ZKSCAN7: variants seen among roughly 807,000 people sequenced by gnomAD.
ZKSCAN7 encodes the protein zinc finger protein with KRAB and SCAN domains 7.
A neutral mutation model predicts 65.3 loss-of-function variants in ZKSCAN7; 38 were observed. The observed-to-expected ratio is 0.58, with a 90% confidence interval of 0.45 to 0.76. The LOEUF (loss-of-function observed/expected upper bound fraction) is 0.76. ZKSCAN7 is among the 30% of genes least tolerant of loss of function. ZKSCAN7 has a pLI of 0.00. For missense variants in ZKSCAN7, 815 were observed against 913.3 expected, an observed-to-expected ratio of 0.89 and a Z score of 1.39; for synonymous variants, 321 against 321.0, an observed-to-expected ratio of 1.00 and a Z score of 0.00.
At chr3:44,583,049 C>G (rs1002239142) in exon 6 of ZKSCAN7, 1 of 415,008 alleles carries the variant, frequency 2.4e-6, no homozygotes, top group Non-Finnish European at 4.9e-6. Flanking sequence ...GCCTCAGACT[C>G]CTGAGTAGCT....
Position 44,565,562 on chromosome 3 carries a change from C to T in ZKSCAN7, c.499C>T (p.Pro167Ser), listed in dbSNP as rs148260431. The T allele has an allele frequency of 3.7e-6, 6 of 1,613,314 alleles. No individual in the cohort carries two copies. In the African/African-American group the frequency reaches 4.0e-5, roughly 11 times the overall value. Residue 167 changes from proline (P) to serine (S), a missense_variant, in exon 3 of 6, where the codon CCT (proline) becomes TCT (serine). Physicochemically the swap from Pro to Ser is moderately conservative, Grantham distance 74 (BLOSUM62 -1). Transcript: ENST00000426540. The part of the protein sequence containing the change: ...TALGTTKESP[P>S]TSPLSGGSAP... ...TCTGGGTACAACAAAGGAATCTCCTCCTACCTCACCCCTCAGTGGGGGCTC... is the reference window on the plus strand; with the variant it reads ...TCTGGGTACAACAAAGGAATCTCCTTCTACCTCACCCCTCAGTGGGGGCTC...
Position 44,560,960 on chromosome 3 carries a change from C to T in ZKSCAN7, c.423+3490C>T, listed in dbSNP as rs2125711609. Among the ~76,000 whole-genome samples, 2 of 152,296 alleles carry T rather than the reference C, an allele frequency of 1.3e-5. 1 individual carries two copies. Among genetic ancestry groups the T allele is most frequent in the South Asian group, 4.1e-4 (2 of 4,826 alleles). On this transcript the variant is annotated intron_variant, in intron 2 of 5. Transcript: ENST00000426540. ...AGGTGTGGTTGTTTCTGATTACCATCAAGTGGGAGGACCAGGATTTTCCAT... is the reference window on the plus strand; with the variant it reads ...AGGTGTGGTTGTTTCTGATTACCATTAAGTGGGAGGACCAGGATTTTCCAT...
chr3:44,571,962 C>G lies in ZKSCAN7; in HGVS notation c.*587C>G. ...ACTTTTTTATTTTTCTTCAACTTCT[C>G]TTGATTTGACCTCAGTGCTTTGAAT... On this transcript the variant is annotated 3_prime_UTR_variant, in exon 6 of 6. Transcript: ENST00000426540. The G allele has an allele frequency of 1.0e-6, 1 of 986,748 alleles. No homozygotes were observed. The highest frequency in any genetic ancestry group is 1.2e-6 in the Non-Finnish European group (1 of 830,778). The allele number at this position is 986,748 out of a possible 1,614,324, so 61.1% of individuals were successfully genotyped here. A position where few individuals can be genotyped will look rare whatever the true frequency, so the allele number is the denominator to read the frequency against.
At chr3:44,580,068 A>G (rs1700032627) in intron 5 of ZKSCAN7, 3 of 1,596,880 alleles carry the variant, frequency 1.9e-6, no homozygotes, top group Non-Finnish European at 2.6e-6. Context: ...CGAGGGCCCC[A>G]CTGCATTGGT....
At chr3:44,556,893 T>C in intron 1 of ZKSCAN7, 37 bp from the exon 2 acceptor site, 1 of 1,010,778 alleles carries the variant, frequency 9.9e-7, no homozygotes, top group East Asian at 2.4e-5. Flanking sequence ...TGGGGCTGAA[T>C]ACTCCAAGAA....
chr3:44,577,175 C>A (rs1241709765), intron 5 of ZKSCAN7, among the ~76,000 whole-genome samples: 2 of 152,020 alleles, frequency 1.3e-5, no homozygotes, highest in African/African-American at 4.8e-5. Context: ...ACTATGTTGC[C>A]TAGAGTAGAC....
chr3:44,558,867 C>A (rs1053490713), intron 2 of ZKSCAN7, among the ~76,000 whole-genome samples: 7 of 149,502 alleles, frequency 4.7e-5, no homozygotes, highest in African/African-American at 1.7e-4. Flanking sequence ...GCAAGCTCAG[C>A]CTCCTGGCTC....
intron 2 of ZKSCAN7, among the ~76,000 whole-genome samples, chr3:44,564,756 T>C (rs28550226): frequency 6.6e-6 from 1 of 152,214 alleles, no homozygotes; most frequent in African/African-American, 2.4e-5. Flanking sequence ...TTTACACTTA[T>C]CTTTTTTTAC....
intron 5 of ZKSCAN7, chr3:44,579,986 T>A: frequency 6.7e-7 from 1 of 1,500,356 alleles, no homozygotes; most frequent in Non-Finnish European, 9.2e-7. Flanking sequence ...GGGGGGGGGC[T>A]TCATTGGTGA....
intron 5 of ZKSCAN7, chr3:44,581,107 C>T (rs951118732): frequency 1.4e-5 from 14 of 1,000,698 alleles, no homozygotes; most frequent in Middle Eastern, 5.1e-4. Context: ...CGGCCGCCGC[C>T]GCATCCCTCG....
In ZKSCAN7 at chr3:44,556,988, A is replaced by G; in HGVS notation, c.-60A>G. On this transcript the variant is annotated 5_prime_UTR_variant, in exon 2 of 6. Transcript: ENST00000426540. ...AAAAACAGTTCCTGAGACCTGAACT[A>G]TTGACCATCATTTTAATCGGACCAA... is the stretch of plus-strand genomic sequence containing the variant. The G allele has an allele frequency of 6.2e-7, 1 of 1,608,230 alleles. No individual in the cohort carries two copies. Among genetic ancestry groups the G allele is most frequent in the Non-Finnish European group, 8.5e-7 (1 of 1,176,950 alleles).
intron 5 of ZKSCAN7, chr3:44,580,036 C>A (rs948039204): frequency 6.3e-7 from 1 of 1,580,516 alleles, no homozygotes; most frequent in Non-Finnish European, 8.7e-7. Context: ...TCGCTGCGGC[C>A]CTGGCGTGTG....
intron 5 of ZKSCAN7, chr3:44,579,943 C>T (rs570842206): frequency 1.1e-5 from 17 of 1,504,548 alleles, no homozygotes; most frequent in Middle Eastern, 1.7e-4. Flanking sequence ...GGTGTGGAGA[C>T]GGGGGAAGCC....
intron 5 of ZKSCAN7, among the ~76,000 whole-genome samples, chr3:44,581,283 C>A (rs1700081215): frequency 6.7e-6 from 1 of 149,706 alleles, no homozygotes; most frequent in African/African-American, 2.4e-5. Flanking sequence ...CTCGGGCCCG[C>A]TGCTTCCCGC....
rs146954712 is a variant in ZKSCAN7, at chr3:44,570,050, G to A, written c.940G>A (p.Val314Ile). 92 of 1,613,886 alleles carry A rather than the reference G, an allele frequency of 5.7e-5. No individual in the cohort carries two copies. Among genetic ancestry groups the A allele is most frequent in the Non-Finnish European group, 7.3e-5 (86 of 1,180,000 alleles). Residue 314 changes from valine (V) to isoleucine (I), a missense_variant, in exon 6 of 6, where the codon GTT becomes ATT. Around this residue, in one of 3 missense-constraint regions of ZKSCAN7, gnomAD observed 578 missense variants for 629.5 expected, o/e 0.92. Coordinates refer to ENST00000426540, the MANE Select transcript of ZKSCAN7 (RefSeq NM_001288590.2). ...VVPGAAETGD[V>I]CEDTFKELEG... ...TCCTGGGGCAGCAGAGACTGGAGAT[G>A]TTTGTGAAGATACTTTCAAGGAGTT...
At chr3:44,558,092 T>A (rs1699353081) in intron 2 of ZKSCAN7, among the ~76,000 whole-genome samples, 1 of 152,208 alleles carries the variant, frequency 6.6e-6, no homozygotes, top group African/African-American at 2.4e-5. Context: ...ATCTGGTTTC[T>A]AGGACCATAG....
rs891564909 is a variant in ZKSCAN7 at position 44,580,147 on chromosome 3, TG to T, written c.812-2820del. 6.0e-6 allele frequency: 9 copies of T among 1,498,120 alleles called. No homozygotes were observed. In the African/African-American group the frequency reaches 7.0e-5, roughly 12 times the overall value. The allele number at this position is 1,498,120 out of a possible 1,614,324, so 92.8% of individuals were successfully genotyped here. A position where few individuals can be genotyped will look rare whatever the true frequency, so the allele number is the denominator to read the frequency against. On this transcript the variant is annotated intron_variant, in intron 5 of 5. Coordinates refer to the ZKSCAN7 transcript ENST00000341840. ...TCAATCACCTGGGACCTCCTGTGGT[TG>T]GGGGTGCTGGGGCTGGGAGGGGAGA...
chr3:44,580,874 G>A (rs1700059987), intron 5 of ZKSCAN7: 2 of 1,613,490 alleles, frequency 1.2e-6, no homozygotes, highest in Admixed American at 1.7e-5. Context: ...CTGGAGCCAG[G>A]AGGAGCCAAC....
intron 5 of ZKSCAN7, among the ~76,000 whole-genome samples, chr3:44,582,007 G>A (rs563356790): frequency 1.3e-4 from 20 of 152,124 alleles, no homozygotes; most frequent in Non-Finnish European, 2.2e-4. Context: ...TTGTGAATAC[G>A]CACATGGTGG....
Sources: gnomAD v4.1 joint callset for allele counts (sites outside exome capture counted in the v4.1 genomes callset) on GRCh38, gnomAD v4.1.1 for gene constraint, gnomAD v4.1.1 regional missense constraint, MANE v1.5 for transcripts, NCBI Gene and HGNC (gene_info 2026-07-23, HGNC 2026-07-21) for gene names.